The following SLC24A2 variants were observed in gnomAD, a reference collection of about 807,000 sequenced individuals.
The protein encoded by SLC24A2 is solute carrier family 24 member 2, also known as sodium/potassium/calcium exchanger 2.
A neutral mutation model predicts 62.0 loss-of-function variants in SLC24A2; 36 were observed. That is an observed-to-expected ratio of 0.58 (90% CI 0.44 to 0.77). The LOEUF (loss-of-function observed/expected upper bound fraction) is 0.77, where lower values mean the gene tolerates loss of function less well. SLC24A2 is among the 30% of genes least tolerant of loss of function. The probability of loss-of-function intolerance (pLI) is 0.00; values close to 1 mark genes in which losing one functional copy is unlikely to be tolerated. For missense variants in SLC24A2, 846 were observed against 817.9 expected (o/e 1.03, Z -0.42); for synonymous variants, 358 against 294.0 (o/e 1.22, Z -2.23).
chr9:20,152,153 T>C, the SLC24A2 span, among the ~76,000 whole-genome samples: 1 of 151,930 alleles, frequency 6.6e-6, no homozygotes, highest in African/African-American at 2.4e-5. Flanking sequence ...ACCAGCCTAG[T>C]GTTTCACATA....
At chr9:20,159,614 A>G in the SLC24A2 span, among the ~76,000 whole-genome samples, 1 of 151,578 alleles carries the variant, frequency 6.6e-6, no homozygotes, top group Admixed American at 6.6e-5. Flanking sequence ...GAAAATGAGG[A>G]AGGAGAGAGA....
the SLC24A2 span, among the ~76,000 whole-genome samples, chr9:20,068,337 C>G: frequency 6.6e-6 from 1 of 152,112 alleles, no homozygotes; most frequent in Non-Finnish European, 1.5e-5. Context: ...GCCGGAATTA[C>G]AGGTGTGAGC....
chr9:19,838,455 C>CCACACA, the SLC24A2 span, among the ~76,000 whole-genome samples: 1,864 of 144,796 alleles, frequency 0.013, 17 homozygotes, highest in Middle Eastern at 0.024. Flanking sequence ...AGACCTAAAA[C>CCACACA]CACACACACA....
At chr9:20,256,956 A>G in the SLC24A2 span, among the ~76,000 whole-genome samples, 1 of 151,618 alleles carries the variant, frequency 6.6e-6, no homozygotes, top group Non-Finnish European at 1.5e-5. Context: ...ACACTTGCCT[A>G]AAGTGAATGA....
chr9:19,999,955 T>G, the SLC24A2 span, among the ~76,000 whole-genome samples: 1 of 152,184 alleles, frequency 6.6e-6, no homozygotes, highest in Non-Finnish European at 1.5e-5. Context: ...CTTAATGGCC[T>G]GAATGTTCAA....
intron 2 of SLC24A2, among the ~76,000 whole-genome samples, chr9:19,678,954 G>A (rs1248905105): frequency 2.0e-5 from 3 of 152,220 alleles, no homozygotes; most frequent in Non-Finnish European, 4.4e-5. Flanking sequence ...AGACACGCAA[G>A]TGAAGAAAGT....
At chr9:19,570,399 C>T (rs1372102690) in intron 7 of SLC24A2, among the ~76,000 whole-genome samples, 1 of 152,210 alleles carries the variant, frequency 6.6e-6, no homozygotes, top group African/African-American at 2.4e-5. Context: ...GGAGTTTTTA[C>T]ATCTCCTCTA....
intron 2 of SLC24A2, among the ~76,000 whole-genome samples, chr9:19,736,897 A>T (rs1259100522): frequency 1.3e-5 from 2 of 152,204 alleles, no homozygotes; most frequent in Non-Finnish European, 2.9e-5. Flanking sequence ...CATCATGATG[A>T]TGTAATAATT....
At chr9:19,741,627 T>C (rs1023845674) in intron 2 of SLC24A2, among the ~76,000 whole-genome samples, 1 of 152,198 alleles carries the variant, frequency 6.6e-6, no homozygotes, top group Non-Finnish European at 1.5e-5. Context: ...TTTTACACTT[T>C]AGATAATTAA....
chr9:19,594,042 C>G (rs1287504198), intron 5 of SLC24A2, among the ~76,000 whole-genome samples: 2 of 151,674 alleles, frequency 1.3e-5, no homozygotes, highest in African/African-American at 4.8e-5. Context: ...AGTAGTTCAC[C>G]CTTCTTTCCT....
At chr9:20,117,930 G>T in the SLC24A2 span, among the ~76,000 whole-genome samples, 3 of 152,032 alleles carry the variant, frequency 2.0e-5, no homozygotes, top group South Asian at 2.1e-4. Context: ...AACTCCCAAG[G>T]TTATTAAGCT....
At chr9:19,693,801 TTTAAAAATAAC>T (rs1820109688) in intron 2 of SLC24A2, among the ~76,000 whole-genome samples, 1 of 152,044 alleles carries the variant, frequency 6.6e-6, no homozygotes. Flanking sequence ...TTATTTATTT[TTTAAAAATAAC>T]TTCTTCCCTT....
the SLC24A2 span, among the ~76,000 whole-genome samples, chr9:19,820,704 G>A: frequency 6.6e-6 from 1 of 151,874 alleles, no homozygotes; most frequent in East Asian, 1.9e-4. Context: ...GTGTATTTGT[G>A]TGTATGTACA....
At position 19,664,287 on chromosome 9, in the gene SLC24A2, T is replaced by C. The variant is rs368868092; in HGVS notation, c.931-41988A>G. ...GGCTTTGATGCAGGGTTTCTTTAAA[T>C]GGTAAGTTTCATTGGTGCATTTAGA... On this transcript the variant is annotated intron_variant, in intron 2 of 10. Transcript: ENST00000341998. Among the ~76,000 whole-genome samples the C allele has an allele frequency of 3.3e-5, 5 of 152,358 alleles. No homozygotes were observed. The East Asian group carries it at 9.6e-4, about 29-fold the overall frequency.
the SLC24A2 span, among the ~76,000 whole-genome samples, chr9:20,019,237 AAAAG>A: frequency 1.5e-4 from 19 of 127,234 alleles, no homozygotes; most frequent in Middle Eastern, 4.0e-3. Flanking sequence ...GAAAGAAAGA[AAAAG>A]AAAGAAGGAA....
chr9:20,104,790 A>C, the SLC24A2 span, among the ~76,000 whole-genome samples: 36 of 152,336 alleles, frequency 2.4e-4, no homozygotes, highest in Admixed American at 3.9e-4. Flanking sequence ...AACTGCATCA[A>C]CTAACTAGCA....
chr9:19,554,967 T>C lies in SLC24A2; in HGVS notation c.1348-4699A>G, dbSNP rs1046097393. 5.3e-5 allele frequency among the ~76,000 whole-genome samples: 8 copies of C among 152,146 alleles called. 1 individual carries two copies. Among genetic ancestry groups the C allele is most frequent in the South Asian group, 2.1e-4 (1 of 4,830 alleles). Reference sequence around the variant, plus strand: ...GCCTGGGATCACTCTATGAATTACATAGGAAGCAGGAATCTGGTCTCTCTA... The same window carrying C: ...GCCTGGGATCACTCTATGAATTACACAGGAAGCAGGAATCTGGTCTCTCTA... On this transcript the variant is annotated intron_variant, in intron 7 of 10. Transcript: ENST00000341998.
chr9:19,983,420 G>A, the SLC24A2 span, among the ~76,000 whole-genome samples: 75 of 152,210 alleles, frequency 4.9e-4, 1 homozygote, highest in South Asian at 4.8e-3. Context: ...CAAGGTGGGC[G>A]GATCATGAGG....
At chr9:20,098,598 G>C in the SLC24A2 span, among the ~76,000 whole-genome samples, 3 of 152,128 alleles carry the variant, frequency 2.0e-5, no homozygotes, top group Non-Finnish European at 4.4e-5. Flanking sequence ...AAGGCCTTTG[G>C]TCAGCTTCCC....
Sources: allele counts gnomAD v4.1 joint callset (sites outside exome capture counted in the v4.1 genomes callset), GRCh38; gene constraint gnomAD v4.1.1; transcripts MANE v1.5; gene names NCBI Gene and HGNC (gene_info 2026-07-23, HGNC 2026-07-21).